ARHGAP26: variants seen among roughly 807,000 people sequenced by gnomAD.
ARHGAP26 encodes the protein rho GTPase-activating protein 26.
A neutral mutation model predicts 104.8 loss-of-function variants in ARHGAP26; 38 were observed. The ratio of observed to expected loss-of-function variants is 0.36; its 90% CI spans 0.28 to 0.48. The LOEUF (loss-of-function observed/expected upper bound fraction) is 0.48. Ranked by LOEUF, ARHGAP26 falls within the 20% of genes least tolerant of loss-of-function variation. The probability of loss-of-function intolerance (pLI) is 0.99; values close to 1 mark genes in which losing one functional copy is unlikely to be tolerated. For missense variants in ARHGAP26, 704 were observed against 947.9 expected, an observed-to-expected ratio of 0.74 and a Z score of 3.38; for synonymous variants, 341 against 340.0, an observed-to-expected ratio of 1.00 and a Z score of -0.03.
intron 11 of ARHGAP26, among the ~76,000 whole-genome samples, chr5:142,995,383 T>C (rs1423231917): frequency 6.6e-6 from 1 of 152,158 alleles, no homozygotes; most frequent in African/African-American, 2.4e-5. Context: ...AAGACAAAAT[T>C]TATGCTGCCA....
At chr5:143,023,872 C>T (rs1378690177) in intron 12 of ARHGAP26, among the ~76,000 whole-genome samples, 1 of 152,174 alleles carries the variant, frequency 6.6e-6, no homozygotes, top group Non-Finnish European at 1.5e-5. Flanking sequence ...TCCTTCCTGC[C>T]CTCCTCCCCA....
rs187065177 is a variant in ARHGAP26 at position 143,132,217 on chromosome 5, G to A, written c.1699-1750G>A. On this transcript the variant is annotated intron_variant, in intron 18 of 22. Coordinates refer to ENST00000645722, the MANE Select transcript of ARHGAP26 (RefSeq NM_001135608.3). ...TGGCATCATTGGAGCCCGAGGACCCGCCAACCCATGGAGAGCAGCTGTTTG... is the reference window on the plus strand; with the variant it reads ...TGGCATCATTGGAGCCCGAGGACCCACCAACCCATGGAGAGCAGCTGTTTG... Among the ~76,000 whole-genome samples the A allele has an allele frequency of 3.0e-4, 46 of 152,152 alleles. No homozygotes were observed. In the East Asian group the frequency reaches 7.4e-3, roughly 24 times the overall value.
intron 12 of ARHGAP26, among the ~76,000 whole-genome samples, chr5:143,030,771 C>T (rs1228547047): frequency 2.0e-5 from 3 of 152,216 alleles, no homozygotes. Context: ...AAAAATGACA[C>T]GTGCATGCAC....
intron 17 of ARHGAP26, among the ~76,000 whole-genome samples, chr5:143,110,474 G>A (rs755333805): frequency 2.6e-4 from 40 of 152,250 alleles, no homozygotes; most frequent in Admixed American, 7.8e-4. Context: ...TTGGGACAAT[G>A]TTAGCTTAAA....
At chr5:142,812,939 TTC>T (rs1478468662) in intron 1 of ARHGAP26, among the ~76,000 whole-genome samples, 1 of 143,024 alleles carries the variant, frequency 7.0e-6, no homozygotes, top group African/African-American at 2.7e-5. Flanking sequence ...TTTTTTTTCT[TTC>T]TTTTTTTTTT....
chr5:143,205,753 G>A (rs1808455699), intron 20 of ARHGAP26, among the ~76,000 whole-genome samples: 1 of 152,214 alleles, frequency 6.6e-6, no homozygotes, highest in Admixed American at 6.5e-5. Flanking sequence ...TTCCACATCT[G>A]TGAAATGGGA....
intron 20 of ARHGAP26, among the ~76,000 whole-genome samples, chr5:143,178,887 TTC>T (rs1021964816): frequency 1.9e-4 from 28 of 151,282 alleles, no homozygotes; most frequent in African/African-American, 5.4e-4. Flanking sequence ...TTTTTTTTTT[TTC>T]CAAGGAGTCT....
At chr5:142,830,827 CCT>C (rs1432104139) in intron 1 of ARHGAP26, among the ~76,000 whole-genome samples, 11 of 152,184 alleles carry the variant, frequency 7.2e-5, no homozygotes, top group Non-Finnish European at 1.5e-5. Context: ...GCCGTATCCC[CCT>C]CTCTCAGTTT....
chr5:143,121,166 C>T lies in ARHGAP26; in HGVS notation c.1698+19C>T. On this transcript the variant is annotated intron_variant, in intron 18 of 22. Transcript: ENST00000645722. ...CGAAAAGGTAATATGTAATTGATCACTTGCAGTGAAGAATGTACCTGGGGG... is the reference window on the plus strand; with the variant it reads ...CGAAAAGGTAATATGTAATTGATCATTTGCAGTGAAGAATGTACCTGGGGG... The T allele has an allele frequency of 1.2e-6, 2 of 1,606,852 alleles. No homozygotes were observed. The highest frequency in any genetic ancestry group is 1.7e-6 in the Non-Finnish European group (2 of 1,175,206).
chr5:143,013,785 T>G (rs531658337), intron 11 of ARHGAP26, among the ~76,000 whole-genome samples: 1 of 152,350 alleles, frequency 6.6e-6, no homozygotes, highest in African/African-American at 2.4e-5. Context: ...AATTTTAATT[T>G]TTTTCTCTTT....
chr5:142,932,819 G>A (rs1465244317), intron 11 of ARHGAP26, among the ~76,000 whole-genome samples: 2 of 152,196 alleles, frequency 1.3e-5, no homozygotes, highest in Non-Finnish European at 2.9e-5. Context: ...TTTGCGTCAG[G>A]CTGGATAATG....
chr5:142,892,987 C>G (rs552087844), intron 5 of ARHGAP26, among the ~76,000 whole-genome samples: 5 of 128,036 alleles, frequency 3.9e-5, no homozygotes, highest in Non-Finnish European at 8.1e-5. Context: ...CCCACCCCCC[C>G]GCTTTTTTTT....
chr5:142,944,401 G>A (rs1008099455), intron 11 of ARHGAP26, among the ~76,000 whole-genome samples: 1 of 152,150 alleles, frequency 6.6e-6, no homozygotes, highest in Non-Finnish European at 1.5e-5. Flanking sequence ...TACATATCAA[G>A]TGGAATTACT....
intron 20 of ARHGAP26, chr5:143,166,070 C>T (rs764820622): frequency 4.5e-5 from 59 of 1,322,740 alleles, no homozygotes; most frequent in Non-Finnish European, 5.2e-5. Context: ...TACTGAGGTG[C>T]AGAGTCCTGC....
At chr5:143,180,171 G>C (rs749040467) in intron 20 of ARHGAP26, among the ~76,000 whole-genome samples, 38 of 152,022 alleles carry the variant, frequency 2.5e-4, no homozygotes, top group Admixed American at 6.5e-4. Context: ...TGTTGCCCAG[G>C]CTGGAGTGCA....
chr5:143,138,107 C>T (rs896186762), intron 19 of ARHGAP26, among the ~76,000 whole-genome samples: 2 of 152,192 alleles, frequency 1.3e-5, no homozygotes, highest in South Asian at 4.1e-4. Context: ...GACTCTCTCT[C>T]TTTAATCTAT....
intron 1 of ARHGAP26, among the ~76,000 whole-genome samples, chr5:142,818,502 G>A: frequency 6.6e-6 from 1 of 152,176 alleles, no homozygotes; most frequent in East Asian, 1.9e-4. Flanking sequence ...TCTACTTGGG[G>A]TCTCTGTCCT....
intron 11 of ARHGAP26, among the ~76,000 whole-genome samples, chr5:142,977,112 G>A (rs892255009): frequency 2.0e-5 from 3 of 152,204 alleles, no homozygotes; most frequent in Non-Finnish European, 4.4e-5. Flanking sequence ...GAGGGAAGGA[G>A]TACACTAAAG....
chr5:142,929,586 G>A (rs1004560001), intron 10 of ARHGAP26, among the ~76,000 whole-genome samples: 3 of 152,156 alleles, frequency 2.0e-5, no homozygotes, highest in African/African-American at 7.2e-5. Flanking sequence ...CCCTGTAAAA[G>A]GGAACAAGAC....
Sources: gnomAD v4.1 joint callset for allele counts (sites outside exome capture counted in the v4.1 genomes callset) on GRCh38, gnomAD v4.1.1 for gene constraint, MANE v1.5 for transcripts, NCBI Gene and HGNC (gene_info 2026-07-23, HGNC 2026-07-21) for gene names.